TMEM43: variants seen among roughly 807,000 people sequenced by gnomAD.
TMEM43 encodes the protein transmembrane protein 43.
Under a neutral mutation model 49.6 loss-of-function variants are expected in TMEM43, and 45 were observed. The observed-to-expected ratio is 0.91, with a 90% CI of 0.71 to 1.16. The LOEUF is 1.16. Ranked by LOEUF, TMEM43 falls within the 50% of genes most tolerant of loss-of-function variation. The pLI is 0.00. For synonymous variants in TMEM43, 199 were observed against 207.8 expected (o/e 0.96, Z 0.36); for missense variants, 532 against 516.6 (o/e 1.03, Z -0.29).
At chr3:14,135,781 G>T in intron 9 of TMEM43, 26 bp from the exon 10 acceptor site, 1 of 1,605,110 alleles carries the variant, frequency 6.2e-7, no homozygotes, top group Non-Finnish European at 8.5e-7. Flanking sequence ...TCACCCCTCA[G>T]CTCTAACACC....
chr3:14,130,873 G>A lies in TMEM43; in HGVS notation c.214G>A (p.Val72Met), dbSNP rs368603914. The A allele has an allele frequency of 9.5e-5, 153 of 1,613,708 alleles. No individual in the cohort carries two copies. The highest frequency in any genetic ancestry group is 1.3e-4 in the Non-Finnish European group (151 of 1,179,854). ...TSLAEGLSLV[V>M]SPDSIHSVAP... ...ATTGGCTGAGGGGCTCTCGCTTGTG[G>A]TGTCTCCCGACAGCATCCACAGTGT... Residue 72 changes from valine (V) to methionine (M), a missense_variant, in exon 3 of 12, where the codon GTG becomes ATG. Val to Met is a conservative substitution (Grantham distance 21). Coordinates refer to ENST00000306077, the MANE Select transcript of TMEM43 (RefSeq NM_024334.3).
At position 14,139,177 on chromosome 3, in the gene TMEM43, C is replaced by T. The variant is rs1695215896; in HGVS notation, c.883-3C>T. The T allele has an allele frequency of 6.2e-7, 1 of 1,610,512 alleles. No homozygotes were observed. Among genetic ancestry groups the T allele is most frequent in the African/African-American group, 1.3e-5 (1 of 74,972 alleles). ...CCTGACCTGCCCCCACCTTGTCCTG[C>T]AGGAGGTGTTTCATAGAGAACTAAG... On this transcript the variant is annotated splice_region_variant and splice_polypyrimidine_tract_variant and intron_variant, in intron 10 of 11. Coordinates refer to ENST00000306077, the MANE Select transcript of TMEM43 (RefSeq NM_024334.3).
chr3:14,131,795 C>T (rs56779598), intron 4 of TMEM43, 121 bp downstream of exon 4: 1 of 781,762 alleles, frequency 1.3e-6, no homozygotes, highest in Non-Finnish European at 2.2e-6. Flanking sequence ...ATCTTCCTAT[C>T]AGAAAAGTGT....
intron 1 of TMEM43, among the ~76,000 whole-genome samples, chr3:14,127,452 A>G (rs1695035468): frequency 6.6e-6 from 1 of 152,176 alleles, no homozygotes; most frequent in Non-Finnish European, 1.5e-5. Flanking sequence ...TTCAGCTCAC[A>G]TTGTAGCCCA....
At chr3:14,139,895 C>T (rs576748527) in intron 11 of TMEM43, among the ~76,000 whole-genome samples, 2 of 152,132 alleles carry the variant, frequency 1.3e-5, no homozygotes, top group African/African-American at 4.8e-5. Context: ...TGTGGCCCAG[C>T]GTGGTTCGGG....
intron 7 of TMEM43, 113 bp downstream of exon 7, chr3:14,133,922 C>G (rs1695133621): frequency 6.1e-6 from 6 of 989,576 alleles, no homozygotes; most frequent in African/African-American, 1.6e-5. Context: ...TCAGTCTGCA[C>G]CTTTCCCAGC....
chr3:14,133,936 A>G, intron 7 of TMEM43, 127 bp downstream of exon 7: 4 of 918,466 alleles, frequency 4.4e-6, no homozygotes, highest in Non-Finnish European at 7.2e-6. Flanking sequence ...TCCCAGCACC[A>G]TGCTTTGGGG....
chr3:14,130,235 A>G (rs553660715), intron 2 of TMEM43, among the ~76,000 whole-genome samples: 2 of 152,024 alleles, frequency 1.3e-5, no homozygotes, highest in East Asian at 3.9e-4. Context: ...CGTCCTCTGA[A>G]TCAGTCTCCG....
intron 6 of TMEM43, 74 bp downstream of exon 6, chr3:14,133,009 G>A: frequency 2.4e-6 from 3 of 1,274,046 alleles, no homozygotes; most frequent in Non-Finnish European, 3.4e-6. Flanking sequence ...TTCTTCATCT[G>A]AATAACAGGA....
intron 3 of TMEM43, 105 bp from the exon 4 acceptor site, chr3:14,131,475 T>G (rs189629533): frequency 3.1e-4 from 284 of 918,196 alleles, no homozygotes; most frequent in Non-Finnish European, 4.5e-4. Flanking sequence ...CCTTGTCCCC[T>G]TCTCTATTTC....
At position 14,139,181 on chromosome 3, in the gene TMEM43, A is replaced by G; in HGVS notation, c.884A>G (p.Glu295Gly). The G allele has an allele frequency of 6.2e-7, 1 of 1,611,880 alleles. No homozygotes were observed. The highest frequency in any genetic ancestry group is 8.5e-7 in the Non-Finnish European group (1 of 1,177,976). Residue 295 changes from glutamate (E) to glycine (G), a missense_variant and splice_region_variant, in exon 11 of 12, where the codon GAG becomes GGG. Transcript: ENST00000306077. ...LLHHGDFSAE[E>G]VFHRELRSNS... ...ACCTGCCCCCACCTTGTCCTGCAGG[A>G]GGTGTTTCATAGAGAACTAAGGAGC...
At chr3:14,138,659 T>C (rs1695206936) in intron 10 of TMEM43, among the ~76,000 whole-genome samples, 4 of 152,030 alleles carry the variant, frequency 2.6e-5, no homozygotes. Flanking sequence ...GGTCACGGCA[T>C]GTGGAGGCCA....
At chr3:14,127,297 C>A (rs1269593573) in intron 1 of TMEM43, among the ~76,000 whole-genome samples, 4 of 152,120 alleles carry the variant, frequency 2.6e-5, no homozygotes, top group African/African-American at 9.7e-5. Context: ...TCACCCCTCC[C>A]CTAGCCTGAG....
At chr3:14,136,618 C>T (rs1057037764) in intron 10 of TMEM43, among the ~76,000 whole-genome samples, 2 of 152,052 alleles carry the variant, frequency 1.3e-5, no homozygotes, top group Non-Finnish European at 2.9e-5. Context: ...CCAGCAAGAA[C>T]AGCCCAGTCT....
At chr3:14,129,307 TAAAAAAAAAAAAAAAAA>T in intron 1 of TMEM43, 88 bp from the exon 2 acceptor site, 1 of 378,884 alleles carries the variant, frequency 2.6e-6, no homozygotes, top group Non-Finnish European at 4.1e-6. Context: ...CAGTTAAAAC[TAAAAAAAAAAAAAAAAA>T]AAAAAAAAAA....
chr3:14,131,449 GT>G, intron 3 of TMEM43, 130 bp from the exon 4 acceptor site: 2 of 770,444 alleles, frequency 2.6e-6, no homozygotes, highest in Non-Finnish European at 4.5e-6. Context: ...CTGCAAAGCA[GT>G]GTAGGGCTCT....
intron 1 of TMEM43, among the ~76,000 whole-genome samples, chr3:14,126,591 G>C (rs1695024746): frequency 6.6e-6 from 1 of 152,338 alleles, no homozygotes; most frequent in East Asian, 1.9e-4. Flanking sequence ...ATATTTAAGG[G>C]AGACTGCTTA....
chr3:14,141,382 T>C (rs1454809375), intron 11 of TMEM43, among the ~76,000 whole-genome samples: 2 of 152,218 alleles, frequency 1.3e-5, no homozygotes, highest in Non-Finnish European at 2.9e-5. Context: ...GTGGGTGGCT[T>C]AGGCAATGTG....
At position 14,131,606 on chromosome 3, in the gene TMEM43, C is replaced by T. The variant is rs371279985; in HGVS notation, c.324C>T (p.Val108=). ...TTTTGTCTGATCCAAACTATGGGGTCCATCTTCCGGCTGTGAAACTGCGGA... is the reference window on the plus strand; with the variant it reads ...TTTTGTCTGATCCAAACTATGGGGTTCATCTTCCGGCTGTGAAACTGCGGA... ...SKLLSDPNYG[V]HLPAVKLRRH... is the part of the protein sequence containing the mutation. Residue 108 remains valine, a synonymous_variant, in exon 4 of 12, where the codon GTC becomes GTT. Coordinates refer to ENST00000306077, the MANE Select transcript of TMEM43 (RefSeq NM_024334.3). The T allele has an allele frequency of 1.4e-5, 22 of 1,614,004 alleles. No individual in the cohort carries two copies. Among genetic ancestry groups the T allele is most frequent in the Admixed American group, 3.3e-5 (2 of 60,004 alleles).
Sources: allele counts gnomAD v4.1 joint callset (sites outside exome capture counted in the v4.1 genomes callset), GRCh38; gene constraint gnomAD v4.1.1; transcripts MANE v1.5; gene names NCBI Gene and HGNC (gene_info 2026-07-23, HGNC 2026-07-21).